LRGUK: variants seen among roughly 807,000 people sequenced by gnomAD.
LRGUK encodes leucine rich repeats and guanylate kinase domain containing, also known as leucine-rich repeat and guanylate kinase domain-containing protein.
A neutral mutation model predicts 76.0 loss-of-function variants in LRGUK; 65 were observed. The observed-to-expected ratio is 0.85, with a 90% confidence interval of 0.70 to 1.05. The LOEUF (loss-of-function observed/expected upper bound fraction) is 1.05, where lower values mean the gene tolerates loss of function less well. Among genes scored for constraint, LRGUK ranks in the 50% least tolerant of loss-of-function variants. The probability of loss-of-function intolerance (pLI) is 0.00; values close to 1 mark genes in which losing one functional copy is unlikely to be tolerated. For missense variants in LRGUK, 758 were observed against 732.8 expected, an observed-to-expected ratio of 1.03 and a Z score of -0.40; for synonymous variants, 268 against 265.6, an observed-to-expected ratio of 1.01 and a Z score of -0.09.
At chr7:134,237,035 A>G (rs1802031379) in intron 16 of LRGUK, among the ~76,000 whole-genome samples, 1 of 149,588 alleles carries the variant, frequency 6.7e-6, no homozygotes, top group African/African-American at 2.5e-5. Context: ...CAGCAGGCTA[A>G]ATGCTTTTCT....
intron 5 of LRGUK, among the ~76,000 whole-genome samples, chr7:134,152,471 A>C (rs751947999): frequency 1.4e-4 from 22 of 152,058 alleles, no homozygotes; most frequent in Non-Finnish European, 2.5e-4. Flanking sequence ...GAGAAGGCAA[A>C]TAAACATACG....
intron 15 of LRGUK, among the ~76,000 whole-genome samples, chr7:134,206,701 G>A (rs975421958): frequency 6.6e-6 from 1 of 151,892 alleles, no homozygotes; most frequent in Non-Finnish European, 1.5e-5. Context: ...ACAAAATAAG[G>A]TAAAAACTAT....
intron 11 of LRGUK, among the ~76,000 whole-genome samples, chr7:134,190,170 CA>C (rs1800140674): frequency 2.6e-5 from 4 of 152,066 alleles, no homozygotes; most frequent in Admixed American, 6.5e-5. Flanking sequence ...AATGAAATAA[CA>C]TGTCAAGTGT....
At chr7:134,174,606 A>C (rs887163445) in exon 8 of LRGUK, 1 of 1,608,136 alleles carries the variant, frequency 6.2e-7, no homozygotes, top group African/African-American at 1.3e-5. Context: ...CCATCCTTCG[A>C]GTTCTCAATC....
chr7:134,273,591 G>A, the LRGUK span, among the ~76,000 whole-genome samples: 1 of 151,976 alleles, frequency 6.6e-6, no homozygotes, highest in Non-Finnish European at 1.5e-5. Context: ...TTGAATGGGG[G>A]CTTTCTAGAA....
At chr7:134,157,912 G>T in intron 5 of LRGUK, 123 bp from the exon 6 acceptor site, 1 of 652,894 alleles carries the variant, frequency 1.5e-6, no homozygotes. Flanking sequence ...TCCTATATTG[G>T]GCATATAATC....
intron 18 of LRGUK, among the ~76,000 whole-genome samples, chr7:134,256,502 G>A (rs955429218): frequency 4.1e-4 from 61 of 149,022 alleles, no homozygotes; most frequent in African/African-American, 1.4e-3. Context: ...GTCTTTTTCC[G>A]GTTAGTTTTC....
intron 17 of LRGUK, among the ~76,000 whole-genome samples, chr7:134,248,569 A>G (rs1338778794): frequency 6.6e-6 from 1 of 152,210 alleles, no homozygotes; most frequent in Non-Finnish European, 1.5e-5. Flanking sequence ...TTTTACTTGG[A>G]TACCATTTCA....
chr7:134,241,202 A>T (rs1033466164), intron 16 of LRGUK, among the ~76,000 whole-genome samples: 3 of 152,232 alleles, frequency 2.0e-5, no homozygotes, highest in Admixed American at 6.5e-5. Flanking sequence ...ACACGTAACA[A>T]TATTAACCTT....
chr7:134,270,145 C>T, the LRGUK span, among the ~76,000 whole-genome samples: 535 of 152,170 alleles, frequency 3.5e-3, 4 homozygotes, highest in African/African-American at 0.012. Context: ...GAAAGAAATC[C>T]TTATCTGCAG....
In LRGUK at chr7:134,210,110, AC is replaced by A; in HGVS notation, c.3248del (p.Thr1083ArgfsTer22). The A allele has an allele frequency of 2.5e-6, 1 of 399,390 alleles. No homozygotes were observed. Among genetic ancestry groups the A allele is most frequent in the East Asian group, 3.6e-5 (1 of 28,060 alleles). 24.7% of individuals were successfully genotyped at this position (399,390 alleles called of 1,614,324 possible). A position where few individuals can be genotyped will look rare whatever the true frequency, so the allele number is the denominator to read the frequency against. Reference sequence around the variant, plus strand: ...AAAAAAGCTCCCCAACCAGAAAGGGACGGCTAGAGGACTGGCACCTCTGGAA... The same window carrying A: ...AAAAAAGCTCCCCAACCAGAAAGGGAGGCTAGAGGACTGGCACCTCTGGAA... On this transcript the variant is annotated frameshift_variant, in exon 16 of 16. Coordinates refer to ENST00000645682, the Ensembl canonical transcript of LRGUK. LOFTEE classifies it low-confidence loss of function (END_TRUNC).
intron 4 of LRGUK, 30 bp from the exon 5 acceptor site, chr7:134,148,208 T>A: frequency 7.4e-7 from 1 of 1,355,830 alleles, no homozygotes; most frequent in Non-Finnish European, 1.0e-6. Context: ...GAAATATTAA[T>A]ATAACATCTT....
At chr7:134,254,756 T>A (rs1317419109) in intron 18 of LRGUK, among the ~76,000 whole-genome samples, 1 of 152,226 alleles carries the variant, frequency 6.6e-6, no homozygotes, top group African/African-American at 2.4e-5. Context: ...ATATTCATTA[T>A]GACAGAAAAA....
At chr7:134,221,732 T>C in intron 15 of LRGUK, 47 bp from the exon 16 acceptor site, 1 of 1,391,756 alleles carries the variant, frequency 7.2e-7, no homozygotes, top group Non-Finnish European at 9.4e-7. Context: ...ACTTCAGAAA[T>C]TTCCTTTATG....
intron 6 of LRGUK, among the ~76,000 whole-genome samples, chr7:134,159,156 G>A (rs762849575): frequency 6.6e-5 from 10 of 151,768 alleles, no homozygotes; most frequent in Admixed American, 2.0e-4. Context: ...TGGGCAAATA[G>A]CCAGACACTG....
chr7:134,174,931 C>G (rs1261714224), intron 8 of LRGUK, among the ~76,000 whole-genome samples: 2 of 151,964 alleles, frequency 1.3e-5, no homozygotes, highest in Non-Finnish European at 2.9e-5. Flanking sequence ...GTGACTCATC[C>G]CCTGTGGTAA....
intron 12 of LRGUK, among the ~76,000 whole-genome samples, chr7:134,194,529 C>A (rs1279763918): frequency 3.3e-5 from 5 of 152,118 alleles, no homozygotes; most frequent in Admixed American, 2.6e-4. Context: ...ATTGCTTGAA[C>A]CTAGGAGTTT....
At chr7:134,240,684 A>C (rs181962134) in intron 16 of LRGUK, among the ~76,000 whole-genome samples, 32 of 152,308 alleles carry the variant, frequency 2.1e-4, no homozygotes, top group Admixed American at 1.8e-3. Context: ...CAACATTCAT[A>C]TTCAGGAAAT....
intron 16 of LRGUK, among the ~76,000 whole-genome samples, chr7:134,244,530 T>G (rs548604906): frequency 5.9e-5 from 9 of 152,100 alleles, no homozygotes; most frequent in Non-Finnish European, 5.9e-5. Flanking sequence ...GTTAGAATGG[T>G]GATCATTAAA....
Sources: allele counts gnomAD v4.1 joint callset (sites outside exome capture counted in the v4.1 genomes callset), GRCh38; gene constraint gnomAD v4.1.1; transcripts MANE v1.5; gene names NCBI Gene and HGNC (gene_info 2026-07-23, HGNC 2026-07-21).